FKBP1B: variants seen among roughly 807,000 people sequenced by gnomAD.
The protein encoded by FKBP1B is FKBP prolyl isomerase 1B, also known as peptidyl-prolyl cis-trans isomerase FKBP1B.
In FKBP1B, 4 loss-of-function variants were observed where a neutral mutation model predicts 13.5. The observed-to-expected ratio is 0.30, with a 90% confidence interval of 0.15 to 0.68. FKBP1B has a LOEUF of 0.68. Among genes scored for constraint, FKBP1B ranks in the 30% least tolerant of loss-of-function variants. The pLI, the probability that FKBP1B is intolerant of heterozygous loss-of-function variation, is 0.76. For synonymous variants in FKBP1B, 54 were observed against 53.6 expected (o/e 1.01, Z -0.03); for missense variants, 93 against 136.2 (o/e 0.68, Z 1.58).
chr2:24,059,400 C>G (rs891451901), intron 2 of FKBP1B, among the ~76,000 whole-genome samples: 1 of 150,874 alleles, frequency 6.6e-6, no homozygotes, highest in South Asian at 2.1e-4. Context: ...TCAAACAGCC[C>G]TCTTAGTACA....
the FKBP1B span, chr2:24,039,228 C>T: frequency 1.7e-5 from 27 of 1,614,128 alleles, no homozygotes; most frequent in African/African-American, 3.3e-4. Flanking sequence ...TGGGACACAG[C>T]TGCCACACAG....
At chr2:24,034,399 G>A in the FKBP1B span, among the ~76,000 whole-genome samples, 1 of 152,094 alleles carries the variant, frequency 6.6e-6, no homozygotes, top group South Asian at 2.1e-4. Context: ...CGGCCTGGGT[G>A]ACAAAGCAAA....
At chr2:24,062,891 C>T (rs1573701840) in intron 3 of FKBP1B, 173 bp from the exon 4 acceptor site, 4 of 921,894 alleles carry the variant, frequency 4.3e-6, no homozygotes, top group East Asian at 2.7e-5. Context: ...GCAGAATCTG[C>T]GTTTGTTAAA....
At chr2:24,054,034 C>A in intron 2 of FKBP1B, 85 bp downstream of exon 2, 1 of 1,359,128 alleles carries the variant, frequency 7.4e-7, no homozygotes, top group Non-Finnish European at 1.1e-6. Flanking sequence ...GAGGTGCCTG[C>A]CTCTGGATCA....
the FKBP1B span, chr2:24,039,185 G>A: frequency 1.9e-6 from 3 of 1,614,100 alleles, no homozygotes; most frequent in Non-Finnish European, 2.5e-6. Context: ...TCACAAGTCT[G>A]AGACGTCAGC....
upstream of FKBP1B, chr2:24,045,892 C>T (rs1049711068): frequency 2.6e-4 from 39 of 151,894 alleles, no homozygotes. Flanking sequence ...GTAGCATGGC[C>T]CCTGCACAGG....
At chr2:24,034,246 C>T in the FKBP1B span, among the ~76,000 whole-genome samples, 9 of 152,092 alleles carry the variant, frequency 5.9e-5, no homozygotes, top group Non-Finnish European at 1.0e-4. Context: ...CATGGTGAAA[C>T]CCCATCTCTA....
chr2:24,038,787 G>A, the FKBP1B span: 1 of 1,614,082 alleles, frequency 6.2e-7, no homozygotes, highest in Admixed American at 1.7e-5. Context: ...GGATATTAAA[G>A]GTTTCAGATG....
the FKBP1B span, chr2:24,038,769 G>C: frequency 6.2e-7 from 1 of 1,614,208 alleles, no homozygotes; most frequent in Non-Finnish European, 8.5e-7. Context: ...TGTCTTTACT[G>C]TTAGGTGGGA....
the FKBP1B span, among the ~76,000 whole-genome samples, chr2:24,036,065 A>T: frequency 7.1e-6 from 1 of 140,404 alleles, no homozygotes; most frequent in Non-Finnish European, 1.5e-5. Flanking sequence ...CTCCGTCTCA[A>T]AAATAAATAA....
At chr2:24,062,336 G>A (rs1476442589) in intron 3 of FKBP1B, among the ~76,000 whole-genome samples, 1 of 151,728 alleles carries the variant, frequency 6.6e-6, no homozygotes, top group Non-Finnish European at 1.5e-5. Context: ...TCACCATCAC[G>A]CCTGGCTAAT....
In FKBP1B at chr2:24,063,131, C is replaced by A; in HGVS notation, c.266C>A (p.Pro89His). Residue 89 changes from proline to histidine, a missense_variant, in exon 4 of 4, where the codon CCC becomes CAC. Transcript: ENST00000380986. The part of the protein sequence containing the change: ...PDVAYGATGH[P>H]GVIPPNATLI... ...GTGGCATATGGAGCCACGGGCCACC[C>A]CGGTGTCATCCCTCCCAATGCCACC... 6.2e-7 allele frequency: 1 copy of A among 1,613,562 alleles called. No individual in the cohort carries two copies. Among genetic ancestry groups the A allele is most frequent in the Non-Finnish European group, 8.5e-7 (1 of 1,179,724 alleles).
chr2:24,056,335 A>G (rs1448962559), intron 2 of FKBP1B, among the ~76,000 whole-genome samples: 1 of 147,670 alleles, frequency 6.8e-6, no homozygotes, highest in Non-Finnish European at 1.5e-5. Flanking sequence ...GTACCATTTC[A>G]TTGTGGGTTT....
At chr2:24,035,710 T>G in the FKBP1B span, among the ~76,000 whole-genome samples, 1 of 151,276 alleles carries the variant, frequency 6.6e-6, no homozygotes, top group Non-Finnish European at 1.5e-5. Context: ...AGCCCAGGAC[T>G]TCCAAACAAG....
chr2:24,044,017 T>C, the FKBP1B span, among the ~76,000 whole-genome samples: 1 of 152,196 alleles, frequency 6.6e-6, no homozygotes, highest in Non-Finnish European at 1.5e-5. Flanking sequence ...GTCCCACTGG[T>C]CTTATGAAAG....
At chr2:24,052,842 G>A (rs774295746) in intron 1 of FKBP1B, among the ~76,000 whole-genome samples, 2 of 151,994 alleles carry the variant, frequency 1.3e-5, no homozygotes, top group African/African-American at 4.8e-5. Flanking sequence ...ATGGCAGCAT[G>A]CACTTGCAGT....
At chr2:24,047,602 G>A (rs1043428739), upstream of FKBP1B, among the ~76,000 whole-genome samples, 17 of 152,120 alleles carry the variant, frequency 1.1e-4, no homozygotes, top group Non-Finnish European at 1.5e-4. Flanking sequence ...GGTAGTCCCC[G>A]TAAAACCACC....
the FKBP1B span, chr2:24,038,636 G>C: frequency 1.9e-6 from 3 of 1,614,158 alleles, no homozygotes; most frequent in South Asian, 3.3e-5. Context: ...AAATGTATGT[G>C]AGTTAGATCC....
chr2:24,053,022 G>A (rs1663950705), intron 1 of FKBP1B, among the ~76,000 whole-genome samples: 1 of 152,054 alleles, frequency 6.6e-6, no homozygotes, highest in Admixed American at 6.6e-5. Context: ...GATCTTGTTT[G>A]TAGTGTTCAC....
Sources: gnomAD v4.1 joint callset for allele counts (sites outside exome capture counted in the v4.1 genomes callset) on GRCh38, gnomAD v4.1.1 for gene constraint, MANE v1.5 for transcripts, NCBI Gene and HGNC (gene_info 2026-07-23, HGNC 2026-07-21) for gene names.